The following VPS13B variants were observed in gnomAD, a reference collection of about 807,000 sequenced individuals.
VPS13B encodes vacuolar protein sorting 13 homolog B.
A neutral mutation model predicts 426.4 loss-of-function variants in VPS13B; 285 were observed. The ratio of observed to expected loss-of-function variants is 0.67; its 90% CI spans 0.61 to 0.74. The LOEUF is 0.74. Ranked by LOEUF, VPS13B falls within the 30% of genes least tolerant of loss-of-function variation. VPS13B has a pLI of 0.00. For synonymous variants in VPS13B, 1,676 were observed against 1,676.4 expected (o/e 1.00, Z 0.01); for missense variants, 4,537 against 4,782.6 (o/e 0.95, Z 1.51).
At chr8:99,457,601 A>G (rs1038582287) in intron 23 of VPS13B, among the ~76,000 whole-genome samples, 1 of 150,882 alleles carries the variant, frequency 6.6e-6, no homozygotes, top group Non-Finnish European at 1.5e-5. Context: ...TTCAGCTCCA[A>G]TCTTTACTAT....
At chr8:99,319,519 G>A (rs1809859841) in intron 19 of VPS13B, among the ~76,000 whole-genome samples, 1 of 152,152 alleles carries the variant, frequency 6.6e-6, no homozygotes, top group Non-Finnish European at 1.5e-5. Flanking sequence ...CAGGATGTAC[G>A]ACTGTTCTTT....
At chr8:99,176,153 T>C (rs1256830621) in intron 16 of VPS13B, among the ~76,000 whole-genome samples, 2 of 152,140 alleles carry the variant, frequency 1.3e-5, no homozygotes, top group African/African-American at 4.8e-5. Context: ...TTTTTTTTTT[T>C]TGAGACGAAG....
chr8:99,634,539 G>A (rs1828995739), intron 33 of VPS13B, among the ~76,000 whole-genome samples: 1 of 151,946 alleles, frequency 6.6e-6, no homozygotes. Flanking sequence ...CATTAGTTCT[G>A]CTCTTTTGCA....
chr8:99,417,399 G>C (rs1279469124), intron 21 of VPS13B, among the ~76,000 whole-genome samples: 1 of 152,056 alleles, frequency 6.6e-6, no homozygotes, highest in African/African-American at 2.4e-5. Flanking sequence ...TCTTAGTTCT[G>C]AGTATAAAAT....
chr8:99,042,823 A>T (rs973019841), intron 3 of VPS13B, among the ~76,000 whole-genome samples: 3 of 152,176 alleles, frequency 2.0e-5, no homozygotes, highest in African/African-American at 7.2e-5. Flanking sequence ...GACAGCCCAT[A>T]GATTTAGGTG....
Position 99,352,571 on chromosome 8 carries a change from C to A in VPS13B, c.2825-31637C>A, listed in dbSNP as rs535977471. On this transcript the variant is annotated intron_variant, in intron 19 of 61. Transcript: ENST00000357162. ...ATACCTGGCTGGGCGCAGTGGCTCA[C>A]GCCTGTAATCCCAGCACTGAGGTGG... is the stretch of plus-strand genomic sequence containing the variant. Among the ~76,000 whole-genome samples, 5 of 152,290 alleles carry A rather than the reference C, an allele frequency of 3.3e-5. No individual in the cohort carries two copies. The South Asian group carries it at 8.3e-4, about 25-fold the overall frequency.
intron 55 of VPS13B, among the ~76,000 whole-genome samples, chr8:99,852,367 A>T (rs1816337977): frequency 1.3e-5 from 2 of 152,218 alleles, no homozygotes; most frequent in South Asian, 4.1e-4. Flanking sequence ...TCAGGTCATA[A>T]GACTGGATGA....
chr8:99,705,101 T>C (rs1302985527), intron 36 of VPS13B, among the ~76,000 whole-genome samples: 1 of 152,112 alleles, frequency 6.6e-6, no homozygotes, highest in African/African-American at 2.4e-5. Flanking sequence ...CCTATTACTT[T>C]ATAACAAGGT....
chr8:99,085,104 C>T (rs1396396368), intron 3 of VPS13B, among the ~76,000 whole-genome samples: 1 of 152,104 alleles, frequency 6.6e-6, no homozygotes, highest in Non-Finnish European at 1.5e-5. Flanking sequence ...CTTTGTAGGT[C>T]TCTAAGGACT....
At chr8:99,666,049 G>T (rs1466467936) in intron 35 of VPS13B, among the ~76,000 whole-genome samples, 1 of 152,106 alleles carries the variant, frequency 6.6e-6, no homozygotes, top group African/African-American at 2.4e-5. Context: ...CTTTAAGTTG[G>T]ATTCCTAGGT....
At chr8:99,828,405 T>TGC (rs1563495278) in intron 51 of VPS13B, among the ~76,000 whole-genome samples, 5 of 39,222 alleles carry the variant, frequency 1.3e-4, no homozygotes, top group African/African-American at 3.1e-4. Flanking sequence ...TTTTTTTTTT[T>TGC]TTTTTTTTTT....
chr8:99,699,455 G>T, intron 35 of VPS13B, 70 bp from the exon 36 acceptor site: 3 of 1,547,940 alleles, frequency 1.9e-6, no homozygotes, highest in African/African-American at 1.4e-5. Flanking sequence ...GTAGGAGCTT[G>T]TCAGAGAAGT....
intron 25 of VPS13B, among the ~76,000 whole-genome samples, chr8:99,491,374 G>T (rs145177876): frequency 1.4e-4 from 21 of 152,252 alleles, no homozygotes; most frequent in African/African-American, 4.8e-4. Context: ...TCTTTGTGGT[G>T]TTCTCTCCAT....
intron 54 of VPS13B, among the ~76,000 whole-genome samples, chr8:99,838,127 G>A (rs1327969144): frequency 5.9e-5 from 9 of 152,318 alleles, no homozygotes; most frequent in East Asian, 5.8e-4. Context: ...GCAGAATACC[G>A]ATTGTGAAGT....
At chr8:99,267,563 C>T (rs2132970423) in intron 17 of VPS13B, among the ~76,000 whole-genome samples, 1 of 151,876 alleles carries the variant, frequency 6.6e-6, no homozygotes, top group African/African-American at 2.4e-5. Flanking sequence ...CCCTTCTCTA[C>T]TAAAAATACA....
At chr8:99,291,798 A>G (rs1342688479) in intron 19 of VPS13B, among the ~76,000 whole-genome samples, 1 of 152,140 alleles carries the variant, frequency 6.6e-6, no homozygotes, top group African/African-American at 2.4e-5. Flanking sequence ...TTAGCATTGC[A>G]AATATTTTCA....
At chr8:99,085,788 C>T (rs1430725203) in intron 3 of VPS13B, among the ~76,000 whole-genome samples, 1 of 152,242 alleles carries the variant, frequency 6.6e-6, no homozygotes, top group Non-Finnish European at 1.5e-5. Flanking sequence ...CCACTTTCTT[C>T]TGGCTTGTTG....
intron 21 of VPS13B, among the ~76,000 whole-genome samples, chr8:99,407,716 C>T (rs567456999): frequency 2.7e-4 from 41 of 151,712 alleles, no homozygotes; most frequent in South Asian, 4.2e-4. Context: ...ATGTGCACAA[C>T]GTGCAGGTTT....
At chr8:99,245,668 A>C (rs953122105) in intron 17 of VPS13B, among the ~76,000 whole-genome samples, 2 of 152,208 alleles carry the variant, frequency 1.3e-5, no homozygotes, top group Non-Finnish European at 2.9e-5. Context: ...AGTAATCCCA[A>C]GTAGCTGGGA....
Sources: allele counts gnomAD v4.1 joint callset (sites outside exome capture counted in the v4.1 genomes callset), GRCh38; gene constraint gnomAD v4.1.1; transcripts MANE v1.5; gene names NCBI Gene and HGNC (gene_info 2026-07-23, HGNC 2026-07-21).